The following LOXHD1 variants were observed in gnomAD, a reference collection of about 807,000 sequenced individuals.
LOXHD1 encodes the protein lipoxygenase homology domain-containing protein 1.
LOXHD1 carries 205 observed loss-of-function variants against 248.2 expected under a neutral mutation model. The ratio of observed to expected loss-of-function variants is 0.83; its 90% CI spans 0.74 to 0.93. The LOEUF (loss-of-function observed/expected upper bound fraction) is 0.93, where lower values mean the gene tolerates loss of function less well. Among genes scored for constraint, LOXHD1 ranks in the 40% least tolerant of loss-of-function variants. The pLI is 0.00. For missense variants in LOXHD1, 2,930 were observed against 2,971.6 expected, an observed-to-expected ratio of 0.99 and a Z score of 0.33; for synonymous variants, 1,113 against 1,162.8, an observed-to-expected ratio of 0.96 and a Z score of 0.87.
rs187861828 is a variant in LOXHD1 at position 46,479,857 on chromosome 18, A to G, written c.6342-1905T>C. ...ATTCTTGAATCTCATTAGCTCCCAC[A>G]ACAACCCTGGGCATCATCCTCCCAT... is the stretch of plus-strand genomic sequence containing the variant. On this transcript the variant is annotated intron_variant, in intron 40 of 40. Coordinates refer to ENST00000642948, the MANE Select transcript of LOXHD1 (RefSeq NM_001384474.1). Among the ~76,000 whole-genome samples, 448 of 152,106 alleles carry G rather than the reference A, an allele frequency of 2.9e-3. 4 individuals are homozygous for G. Among genetic ancestry groups the G allele is most frequent in the African/African-American group, 0.01 (431 of 41,500 alleles).
chr18:46,655,123 G>T (rs1358266627), intron 1 of LOXHD1, among the ~76,000 whole-genome samples: 1 of 152,206 alleles, frequency 6.6e-6, no homozygotes, highest in African/African-American at 2.4e-5. Flanking sequence ...GGTGCATGGT[G>T]CATGATCCTA....
intron 37 of LOXHD1, among the ~76,000 whole-genome samples, chr18:46,496,323 T>C (rs1014620723): frequency 2.0e-5 from 3 of 152,128 alleles, no homozygotes; most frequent in Admixed American, 6.5e-5. Flanking sequence ...AAAAGAAATA[T>C]TGAATAGACA....
intron 40 of LOXHD1, among the ~76,000 whole-genome samples, chr18:46,478,586 G>T (rs1193974588): frequency 6.6e-6 from 1 of 152,140 alleles, no homozygotes; most frequent in Admixed American, 6.5e-5. Flanking sequence ...CCCTCCAGTG[G>T]CTTCCCATGT....
chr18:46,630,773 G>A (rs1285397897), intron 4 of LOXHD1, among the ~76,000 whole-genome samples: 1 of 152,120 alleles, frequency 6.6e-6, no homozygotes, highest in African/African-American at 2.4e-5. Flanking sequence ...GTGGGTATGG[G>A]GGGGGGTGTG....
At chr18:46,517,044 G>A (rs2035290735) in intron 34 of LOXHD1, among the ~76,000 whole-genome samples, 1 of 152,202 alleles carries the variant, frequency 6.6e-6, no homozygotes, top group Non-Finnish European at 1.5e-5. Flanking sequence ...GCTCAGAAAG[G>A]AAGCCGCCTG....
Position 46,546,936 on chromosome 18 carries a change from C to T in LOXHD1, c.3473G>A (p.Gly1158Asp). The T allele has an allele frequency of 6.4e-7, 1 of 1,551,532 alleles. No individual in the cohort carries two copies. ...LPQSEEGRGG[G>D]DNNPLDNLAL... ...CAGGTTGTCGAGGGGGTTGTTGTCA[C>T]CGCCTCCCCTACCCTCCTCGCTCTG... The change falls in exon 22 of 41, where the codon GGT (glycine) becomes GAT (aspartate). Residue 1158 changes from glycine to aspartate, a missense_variant. Physicochemically the swap from Gly to Asp is moderately conservative, Grantham distance 94. Transcript: ENST00000642948.
chr18:46,607,244 T>C (rs2038428991), intron 6 of LOXHD1, among the ~76,000 whole-genome samples: 1 of 151,582 alleles, frequency 6.6e-6, no homozygotes, highest in Non-Finnish European at 1.5e-5. Context: ...CATGCTATAT[T>C]TAAAAATGAA....
Position 46,560,256 on chromosome 18 carries a change from G to A in LOXHD1, c.2888C>T (p.Ser963Phe). 2 of 1,551,792 alleles carry A rather than the reference G, an allele frequency of 1.3e-6. No individual in the cohort carries two copies. Among genetic ancestry groups the A allele is most frequent in the Middle Eastern group, 1.7e-4 (1 of 5,994 alleles). ...EEEESSSSEE[S>F]SSEEEEMEEE... Reference sequence around the variant, plus strand: ...TTCCATCTCCTCCTCCTCTGACGAGGACTCCTCTGATGAGGACGACTCCTC... The same window carrying A: ...TTCCATCTCCTCCTCCTCTGACGAGAACTCCTCTGATGAGGACGACTCCTC... The change falls in exon 19 of 41, where the codon TCC (serine) becomes TTC (phenylalanine). Residue 963 changes from serine to phenylalanine, a missense_variant. By Grantham distance (155) the Ser-to-Phe change is radical. Coordinates refer to ENST00000642948, the MANE Select transcript of LOXHD1 (RefSeq NM_001384474.1).
At chr18:46,573,412 G>A (rs1346451163) in intron 14 of LOXHD1, among the ~76,000 whole-genome samples, 2 of 152,150 alleles carry the variant, frequency 1.3e-5, no homozygotes, top group African/African-American at 2.4e-5. Context: ...GGTTTATGAC[G>A]GGGCCCATGG....
chr18:46,584,132 A>G (rs1270224899), intron 12 of LOXHD1, among the ~76,000 whole-genome samples: 1 of 152,136 alleles, frequency 6.6e-6, no homozygotes, highest in Non-Finnish European at 1.5e-5. Flanking sequence ...ACCCATGTGG[A>G]ATATTTTAAA....
At position 46,614,499 on chromosome 18, in the gene LOXHD1, C is replaced by T. The variant is rs1002342884; in HGVS notation, c.611-3575G>A. Among the ~76,000 whole-genome samples the T allele has an allele frequency of 2.6e-5, 4 of 152,074 alleles. 1 individual carries two copies. The highest frequency in any genetic ancestry group is 2.6e-4 in the Admixed American group (4 of 15,262). ...AAACCAAACACTGCATGTTCTCACT[C>T]ATAGGTGGGAATTGAACAATGAGAA... On this transcript the variant is annotated intron_variant, in intron 5 of 40. Coordinates refer to ENST00000642948, the MANE Select transcript of LOXHD1 (RefSeq NM_001384474.1).
Position 46,579,709 on chromosome 18 carries a change from A to C in LOXHD1, c.1730T>G (p.Leu577Arg), listed in dbSNP as rs727503147. ...AGTDANVYLC[L>R]FGDVGDTGER... ...CCCCGTGTCCCCCACATCACCAAAA[A>C]GGCAGAGATAGACGTTGGCATCGGT... Residue 577 changes from leucine to arginine, a missense_variant, in exon 13 of 41, where the codon CTT becomes CGT. Coordinates refer to ENST00000642948, the MANE Select transcript of LOXHD1 (RefSeq NM_001384474.1). 2.3e-4 allele frequency: 364 copies of C among 1,551,660 alleles called. No individual in the cohort carries two copies. Among genetic ancestry groups the C allele is most frequent in the Non-Finnish European group, 3.0e-4 (346 of 1,147,014 alleles).
At chr18:46,615,417 C>T (rs370479772) in intron 5 of LOXHD1, among the ~76,000 whole-genome samples, 44 of 152,230 alleles carry the variant, frequency 2.9e-4, no homozygotes, top group African/African-American at 9.9e-4. Flanking sequence ...AATTCTGTTC[C>T]GGGTGGTGGT....
intron 6 of LOXHD1, among the ~76,000 whole-genome samples, chr18:46,607,984 A>G (rs996428779): frequency 1.3e-5 from 2 of 150,194 alleles, no homozygotes; most frequent in African/African-American, 4.9e-5. Context: ...CATCAGATAG[A>G]AAACACATAC....
chr18:46,537,846 C>T (rs1241375887), intron 26 of LOXHD1, among the ~76,000 whole-genome samples: 1 of 152,186 alleles, frequency 6.6e-6, no homozygotes, highest in Non-Finnish European at 1.5e-5. Flanking sequence ...TATGTTCCAC[C>T]TGTGGATAAG....
At chr18:46,545,102 G>T (rs1406189258) in intron 23 of LOXHD1, among the ~76,000 whole-genome samples, 1 of 152,184 alleles carries the variant, frequency 6.6e-6, no homozygotes, top group African/African-American at 2.4e-5. Flanking sequence ...TGGAGTCAGG[G>T]CTACCTTCAC....
chr18:46,534,867 C>A (rs929441279), intron 26 of LOXHD1, among the ~76,000 whole-genome samples: 2 of 152,180 alleles, frequency 1.3e-5, no homozygotes, highest in African/African-American at 2.4e-5. Flanking sequence ...CCTAAGAGTC[C>A]CCCACCTTCC....
chr18:46,633,338 A>G (rs992542802), intron 4 of LOXHD1, among the ~76,000 whole-genome samples: 3 of 152,182 alleles, frequency 2.0e-5, no homozygotes, highest in African/African-American at 7.2e-5. Context: ...TAGTCAAATA[A>G]TTTTCAACAG....
At chr18:46,540,654 CTTTTTT>C (rs60099172) in intron 25 of LOXHD1, among the ~76,000 whole-genome samples, 57 of 91,422 alleles carry the variant, frequency 6.2e-4, no homozygotes, top group African/African-American at 2.2e-3. Flanking sequence ...AACTCTTTAT[CTTTTTT>C]TTTTTTTTTT....
Sources: gnomAD v4.1 joint callset for allele counts (sites outside exome capture counted in the v4.1 genomes callset) on GRCh38, gnomAD v4.1.1 for gene constraint, MANE v1.5 for transcripts, NCBI Gene and HGNC (gene_info 2026-07-23, HGNC 2026-07-21) for gene names.